ZNF804B: variants seen among roughly 807,000 people sequenced by gnomAD.
The protein encoded by ZNF804B is zinc finger 804B.
Under a neutral mutation model 101.4 loss-of-function variants are expected in ZNF804B, and 80 were observed. The ratio of observed to expected loss-of-function variants is 0.79; its 90% CI spans 0.66 to 0.95. The LOEUF (loss-of-function observed/expected upper bound fraction) is 0.95. Among genes scored for constraint, ZNF804B ranks in the 40% least tolerant of loss-of-function variants. ZNF804B has a pLI of 0.00. For synonymous variants in ZNF804B, 622 were observed against 558.8 expected (o/e 1.11, Z -1.59); for missense variants, 1,673 against 1,561.9 (o/e 1.07, Z -1.20).
intron 1 of ZNF804B, among the ~76,000 whole-genome samples, chr7:88,834,278 G>A (rs114243569): frequency 0.011 from 1,741 of 151,830 alleles, 30 homozygotes; most frequent in African/African-American, 0.039. Flanking sequence ...GCTATATTGC[G>A]AATTATTTTT....
chr7:88,874,957 A>G (rs1339291371), intron 1 of ZNF804B, among the ~76,000 whole-genome samples: 4 of 136,430 alleles, frequency 2.9e-5, no homozygotes, highest in African/African-American at 5.8e-5. Flanking sequence ...ATAACAAACT[A>G]TCTCTCAGAC....
At position 89,155,081 on chromosome 7, in the gene ZNF804B, A is replaced by G. The variant is rs567754340; in HGVS notation, c.109-63074A>G. 2.6e-5 allele frequency among the ~76,000 whole-genome samples: 4 copies of G among 152,280 alleles called. No individual in the cohort carries two copies. The South Asian group carries it at 8.3e-4, about 32-fold the overall frequency. ...AATATTCTATTTAAAAAATCCATAT[A>G]TCTTATTGTATGTTTCTTCTAGAGT... On this transcript the variant is annotated intron_variant, in intron 1 of 3. Coordinates refer to ENST00000333190, the MANE Select transcript of ZNF804B (RefSeq NM_181646.5).
At chr7:89,282,740 A>G (rs1790119072) in intron 2 of ZNF804B, among the ~76,000 whole-genome samples, 1 of 152,220 alleles carries the variant, frequency 6.6e-6, no homozygotes. Flanking sequence ...GATGATACAC[A>G]GAAGAGCCTC....
At chr7:89,265,379 G>GGATGC (rs1407507748) in intron 2 of ZNF804B, among the ~76,000 whole-genome samples, 4 of 152,144 alleles carry the variant, frequency 2.6e-5, no homozygotes, top group Non-Finnish European at 5.9e-5. Context: ...AGCACAAAAA[G>GGATGC]GATGCTTTAG....
chr7:88,999,083 T>C (rs1211895816), intron 1 of ZNF804B, among the ~76,000 whole-genome samples: 1 of 152,056 alleles, frequency 6.6e-6, no homozygotes, highest in Non-Finnish European at 1.5e-5. Flanking sequence ...GCAGAAGAAC[T>C]GAAAACATTA....
chr7:89,115,196 G>T (rs559606579), intron 1 of ZNF804B, among the ~76,000 whole-genome samples: 2 of 152,076 alleles, frequency 1.3e-5, no homozygotes, highest in African/African-American at 4.8e-5. Flanking sequence ...CAAGATTCCC[G>T]AATGAAAGAG....
intron 1 of ZNF804B, among the ~76,000 whole-genome samples, chr7:88,800,692 T>TTTTGTG (rs1790564716): frequency 2.0e-5 from 3 of 146,600 alleles, no homozygotes; most frequent in African/African-American, 7.5e-5. Context: ...TAGATATGAT[T>TTTTGTG]TGTGTGTGTG....
chr7:89,171,343 CTTCTTCT>C (rs1562904514), intron 1 of ZNF804B, among the ~76,000 whole-genome samples: 7 of 132,374 alleles, frequency 5.3e-5, no homozygotes, highest in African/African-American at 1.4e-4. Context: ...TCTTCTTCTT[CTTCTTCT>C]TCTTCTTCCT....
chr7:88,878,616 A>G (rs1357552670), intron 1 of ZNF804B, among the ~76,000 whole-genome samples: 1 of 152,150 alleles, frequency 6.6e-6, no homozygotes, highest in Non-Finnish European at 1.5e-5. Context: ...TTAATCACCT[A>G]TACTATGCTA....
intron 1 of ZNF804B, among the ~76,000 whole-genome samples, chr7:89,103,077 T>TTTTTTTTTTTTC (rs1790085501): frequency 1.0e-5 from 1 of 96,668 alleles, no homozygotes; most frequent in African/African-American, 3.8e-5. Context: ...TTTTTTTTTT[T>TTTTTTTTTTTTC]TTTTTTACCA....
intron 1 of ZNF804B, among the ~76,000 whole-genome samples, chr7:89,215,664 A>G (rs557372341): frequency 1.9e-4 from 29 of 151,774 alleles, no homozygotes; most frequent in African/African-American, 7.0e-4. Context: ...CGGGCGCATC[A>G]CGAGGTCCGG....
At chr7:89,080,267 A>T (rs891553602) in intron 1 of ZNF804B, among the ~76,000 whole-genome samples, 2 of 150,572 alleles carry the variant, frequency 1.3e-5, no homozygotes, top group Admixed American at 6.6e-5. Context: ...GAATGAGAAA[A>T]ATCACATAGC....
At chr7:88,888,825 CACTT>C (rs1792173072) in intron 1 of ZNF804B, among the ~76,000 whole-genome samples, 1 of 152,090 alleles carries the variant, frequency 6.6e-6, no homozygotes, top group Non-Finnish European at 1.5e-5. Flanking sequence ...AGTCACAAGA[CACTT>C]ACCGGTTTGT....
intron 1 of ZNF804B, among the ~76,000 whole-genome samples, chr7:89,026,999 T>A (rs1788761934): frequency 1.3e-5 from 2 of 152,036 alleles, no homozygotes; most frequent in Admixed American, 1.3e-4. Context: ...GGCCTTAGAA[T>A]AAAATTCCTG....
At chr7:88,911,093 G>A (rs565525828) in intron 1 of ZNF804B, among the ~76,000 whole-genome samples, 21 of 152,078 alleles carry the variant, frequency 1.4e-4, no homozygotes, top group African/African-American at 4.8e-4. Context: ...GAATGATTTG[G>A]TATTAAAGAA....
chr7:88,947,389 A>G (rs1205553670), intron 1 of ZNF804B, among the ~76,000 whole-genome samples: 1 of 151,958 alleles, frequency 6.6e-6, no homozygotes, highest in Non-Finnish European at 1.5e-5. Flanking sequence ...GCTGGAAACC[A>G]TGGTTCTCAG....
intron 1 of ZNF804B, among the ~76,000 whole-genome samples, chr7:89,212,538 A>G (rs1429629463): frequency 6.6e-6 from 1 of 152,152 alleles, no homozygotes; most frequent in Non-Finnish European, 1.5e-5. Flanking sequence ...TCTCCAAAAC[A>G]AAGAAGTACG....
chr7:88,924,398 C>T (rs1265987853), intron 1 of ZNF804B, among the ~76,000 whole-genome samples: 1 of 152,004 alleles, frequency 6.6e-6, no homozygotes, highest in Non-Finnish European at 1.5e-5. Context: ...TGTTCTTATA[C>T]TTTAGTTTAT....
intron 1 of ZNF804B, among the ~76,000 whole-genome samples, chr7:89,058,694 G>T (rs529202484): frequency 6.6e-6 from 1 of 152,060 alleles, no homozygotes; most frequent in Non-Finnish European, 1.5e-5. Flanking sequence ...GAAGGGTTTT[G>T]TTTGTTTGTT....
Sources: allele counts gnomAD v4.1 joint callset (sites outside exome capture counted in the v4.1 genomes callset), GRCh38; gene constraint gnomAD v4.1.1; transcripts MANE v1.5; gene names NCBI Gene and HGNC (gene_info 2026-07-23, HGNC 2026-07-21).